Variants in GALNTL6 observed in about 807,000 individuals in gnomAD.
GALNTL6 encodes the protein polypeptide N-acetylgalactosaminyltransferase like 6.
Under a neutral mutation model 73.7 loss-of-function variants are expected in GALNTL6, and 46 were observed. The ratio of observed to expected loss-of-function variants is 0.62; its 90% confidence interval spans 0.49 to 0.80. The LOEUF is 0.80. Ranked by LOEUF, GALNTL6 falls within the 30% of genes least tolerant of loss-of-function variation. The pLI is 0.00. For missense variants in GALNTL6, 604 were observed against 755.0 expected, an observed-to-expected ratio of 0.80 and a Z score of 2.34; for synonymous variants, 259 against 263.7, an observed-to-expected ratio of 0.98 and a Z score of 0.17.
intron 2 of GALNTL6, among the ~76,000 whole-genome samples, chr4:172,123,738 A>C (rs1385353659): frequency 1.3e-5 from 2 of 152,018 alleles, no homozygotes; most frequent in Admixed American, 1.3e-4. Context: ...TGACCTCGTG[A>C]TCCACCCACC....
At chr4:172,315,566 A>G (rs1158903521) in intron 4 of GALNTL6, among the ~76,000 whole-genome samples, 1 of 152,110 alleles carries the variant, frequency 6.6e-6, no homozygotes, top group African/African-American at 2.4e-5. Context: ...TGATTTTTAT[A>G]TATTTTTTGA....
At chr4:172,779,300 G>A (rs975390150) in intron 5 of GALNTL6, among the ~76,000 whole-genome samples, 3 of 152,154 alleles carry the variant, frequency 2.0e-5, no homozygotes, top group Admixed American at 6.5e-5. Context: ...CTTGGTACAC[G>A]TGCTTCAGAG....
chr4:172,398,753 T>C (rs771491884), intron 5 of GALNTL6, among the ~76,000 whole-genome samples: 52 of 152,328 alleles, frequency 3.4e-4, no homozygotes, highest in Non-Finnish European at 6.2e-4. Context: ...TGTAGAAGTA[T>C]ATTCAGTGAC....
chr4:172,294,607 TA>T (rs1450715857), intron 3 of GALNTL6, among the ~76,000 whole-genome samples: 14 of 152,050 alleles, frequency 9.2e-5, no homozygotes, highest in South Asian at 8.3e-4. Flanking sequence ...CTGTAGTACA[TA>T]AATTACAGAT....
chr4:172,489,958 G>C (rs1191048983), intron 5 of GALNTL6, among the ~76,000 whole-genome samples: 1 of 152,066 alleles, frequency 6.6e-6, no homozygotes, highest in Non-Finnish European at 1.5e-5. Context: ...TTAAAATGTG[G>C]GTAAAAAATC....
intron 2 of GALNTL6, among the ~76,000 whole-genome samples, chr4:172,152,394 GT>G (rs1345293764): frequency 6.6e-6 from 1 of 152,220 alleles, no homozygotes; most frequent in East Asian, 1.9e-4. Context: ...TTGCCATGGA[GT>G]TTGTAAATGT....
At chr4:172,751,793 T>C (rs1737437472) in intron 5 of GALNTL6, among the ~76,000 whole-genome samples, 1 of 152,220 alleles carries the variant, frequency 6.6e-6, no homozygotes, top group Admixed American at 6.5e-5. Flanking sequence ...GAACAAGTAA[T>C]GGCAGCACCT....
chr4:172,741,346 A>G (rs1418805626), intron 5 of GALNTL6, among the ~76,000 whole-genome samples: 1 of 152,044 alleles, frequency 6.6e-6, no homozygotes, highest in Non-Finnish European at 1.5e-5. Context: ...TGCCGGGACA[A>G]TCTCAACAGA....
In GALNTL6 at chr4:172,994,826, G is replaced by A. The variant is rs749896830; in HGVS notation, c.1372-14352G>A. Among the ~76,000 whole-genome samples the A allele has an allele frequency of 8.5e-5, 13 of 152,228 alleles. No homozygotes were observed. In the East Asian group the frequency reaches 2.5e-3, roughly 29 times the overall value. On this transcript the variant is annotated intron_variant, in intron 10 of 12. Transcript: ENST00000506823. ...GCTGCCATCCTGTCCAGGGCTAAAA[G>A]GTCATATCCTCAGAACCAGTCCCAT...
intron 5 of GALNTL6, among the ~76,000 whole-genome samples, chr4:172,737,348 T>C (rs1037603769): frequency 6.6e-6 from 1 of 152,144 alleles, no homozygotes. Context: ...TATTTTTAAA[T>C]AGCAGGTCTT....
chr4:172,092,764 GTTTACAACACT>G (rs1325026365), intron 2 of GALNTL6, among the ~76,000 whole-genome samples: 1 of 151,294 alleles, frequency 6.6e-6, no homozygotes, highest in Non-Finnish European at 1.5e-5. Flanking sequence ...TTTTTGTGAA[GTTTACAACACT>G]TTTTACTTTT....
intron 10 of GALNTL6, among the ~76,000 whole-genome samples, chr4:172,992,930 A>G (rs1751603832): frequency 6.6e-6 from 1 of 152,162 alleles, no homozygotes; most frequent in South Asian, 2.1e-4. Flanking sequence ...AATTACTCCA[A>G]AAGTTAGTTC....
chr4:172,547,391 G>A (rs1420207211), intron 5 of GALNTL6, among the ~76,000 whole-genome samples: 1 of 151,964 alleles, frequency 6.6e-6, no homozygotes, highest in African/African-American at 2.4e-5. Context: ...GATTTTTCTT[G>A]AATAAGCCCA....
At chr4:171,967,279 T>G (rs1690252329) in intron 2 of GALNTL6, among the ~76,000 whole-genome samples, 1 of 152,214 alleles carries the variant, frequency 6.6e-6, no homozygotes, top group Admixed American at 6.5e-5. Context: ...GCTTGTTTCA[T>G]GTTTGGGCTT....
In GALNTL6 at chr4:172,664,771, AGCTC is replaced by A. The variant is rs1731571574; in HGVS notation, c.554-144588_554-144585del. On this transcript the variant is annotated intron_variant, in intron 5 of 12. Transcript: ENST00000506823. ...ATACAAATTGGCCGGTTCTTTTGTAAGCTCGTTATTGTCTTATTAGCACCCTGAC... is the reference window on the plus strand; with the variant it reads ...ATACAAATTGGCCGGTTCTTTTGTAAGTTATTGTCTTATTAGCACCCTGAC... Among the ~76,000 whole-genome samples the A allele has an allele frequency of 2.0e-5, 3 of 152,314 alleles. No individual in the cohort carries two copies. The South Asian group carries it at 6.2e-4, about 32-fold the overall frequency.
chr4:172,574,574 T>C (rs575503116), intron 5 of GALNTL6, among the ~76,000 whole-genome samples: 1 of 151,552 alleles, frequency 6.6e-6, no homozygotes, highest in East Asian at 1.9e-4. Flanking sequence ...ACAGAATATA[T>C]GAAAATAAGA....
intron 5 of GALNTL6, among the ~76,000 whole-genome samples, chr4:172,683,424 A>G (rs987462473): frequency 2.0e-5 from 3 of 152,218 alleles, no homozygotes; most frequent in Non-Finnish European, 4.4e-5. Flanking sequence ...TATGCATCCA[A>G]TATAACTATT....
intron 4 of GALNTL6, among the ~76,000 whole-genome samples, chr4:172,321,375 T>C (rs192614564): frequency 1.3e-5 from 2 of 152,276 alleles, no homozygotes; most frequent in South Asian, 2.1e-4. Context: ...TGAAACATCC[T>C]GTTTCCAACA....
At chr4:172,919,579 A>C (rs565916770) in intron 8 of GALNTL6, among the ~76,000 whole-genome samples, 2 of 152,360 alleles carry the variant, frequency 1.3e-5, no homozygotes, top group Non-Finnish European at 2.9e-5. Flanking sequence ...TTGTAAAAGA[A>C]GGAAGGTTCT....
Sources: allele counts gnomAD v4.1 joint callset (sites outside exome capture counted in the v4.1 genomes callset), GRCh38; gene constraint gnomAD v4.1.1; transcripts MANE v1.5; gene names NCBI Gene and HGNC (gene_info 2026-07-23, HGNC 2026-07-21).